The following OTULIN variants were observed in gnomAD, a reference collection of about 807,000 sequenced individuals.
OTULIN encodes ubiquitin thioesterase otulin.
In OTULIN, 15 loss-of-function variants were observed where a neutral mutation model predicts 39.6. That is an observed-to-expected ratio of 0.38 (90% CI 0.25 to 0.58). The LOEUF is 0.58. Among genes scored for constraint, OTULIN ranks in the 20% least tolerant of loss-of-function variants. The probability of loss-of-function intolerance (pLI) is 0.66; values close to 1 mark genes in which losing one functional copy is unlikely to be tolerated. For synonymous variants in OTULIN, 156 were observed against 170.3 expected (o/e 0.92, Z 0.65); for missense variants, 319 against 445.9 (o/e 0.72, Z 2.56).
rs181590247 is a variant in OTULIN at position 14,689,723 on chromosome 5, G to A, written c.595-316G>A. 1.3e-4 allele frequency among the ~76,000 whole-genome samples: 20 copies of A among 152,274 alleles called. No homozygotes were observed. The East Asian group carries it at 3.3e-3, about 25-fold the overall frequency. ...TCACACACAGGCTTCACACACATGT[G>A]TTAGCTCTTCCATAAGTGTCTCTGA... On this transcript the variant is annotated intron_variant, in intron 5 of 6. Transcript: ENST00000284274.
At chr5:14,670,420 G>A (rs889945260) in intron 1 of OTULIN, among the ~76,000 whole-genome samples, 6 of 152,114 alleles carry the variant, frequency 3.9e-5, no homozygotes, top group African/African-American at 1.4e-4. Context: ...ATTGAGTGAA[G>A]TATTTTTAAA....
At chr5:14,709,808 A>G in the OTULIN span, 1 of 152,696 alleles carries the variant, frequency 6.5e-6, no homozygotes, top group Admixed American at 6.5e-5. Flanking sequence ...CACACAAGCA[A>G]TCACCGTATT....
chr5:14,713,566 G>C, the OTULIN span: 4 of 1,614,136 alleles, frequency 2.5e-6, no homozygotes, highest in African/African-American at 1.3e-5. This position sits in a 1 kb window ranked among gnomAD's most constrained non-coding sequence, Gnocchi z 4.4. Flanking sequence ...AGGACCACGA[G>C]GCTGGCGATG....
intron 1 of OTULIN, among the ~76,000 whole-genome samples, chr5:14,672,323 G>A (rs997512541): frequency 6.6e-6 from 1 of 152,110 alleles, no homozygotes; most frequent in African/African-American, 2.4e-5. Flanking sequence ...CCATTGAAAG[G>A]TTTTAGTGGG....
At chr5:14,701,536 A>T (rs1191896136), downstream of OTULIN, among the ~76,000 whole-genome samples, 2 of 152,178 alleles carry the variant, frequency 1.3e-5, no homozygotes, top group African/African-American at 4.8e-5. Flanking sequence ...AGCTTTGAGT[A>T]TTACAACCCC....
At chr5:14,704,965 T>G in the OTULIN span, 3 of 152,224 alleles carry the variant, frequency 2.0e-5, no homozygotes, top group Admixed American at 6.5e-5. Context: ...AGCACTTCCT[T>G]AAAAGCGACA....
intron 2 of OTULIN, 28 bp from the exon 3 acceptor site, chr5:14,678,653 C>CT (rs562824991): frequency 0.034 from 36,965 of 1,076,304 alleles, no homozygotes; most frequent in Non-Finnish European, 0.038. Flanking sequence ...TTATTATTTG[C>CT]TTTTTTTTTT....
At position 14,699,473 on chromosome 5, in the gene OTULIN, C is replaced by T. The variant is rs31994; in HGVS notation, c.*6425C>T. On this transcript the variant is annotated 3_prime_UTR_variant, in exon 7 of 7. Transcript: ENST00000284274. ...GACCTCCCCACTGTGAACAACAAACCACTTTCCTCCTCCAGTGGCCCATTC... is the reference window on the plus strand; with the variant it reads ...GACCTCCCCACTGTGAACAACAAACTACTTTCCTCCTCCAGTGGCCCATTC... 0.043 allele frequency: 6,504 copies of T among 152,314 alleles called. 191 individuals carry two copies. The highest frequency in any genetic ancestry group is 0.085 in the Admixed American group (1,294 of 15,298). The allele number at this position is 152,314 out of a possible 1,614,324, so 9.4% of individuals were successfully genotyped here. A position where few individuals can be genotyped will look rare whatever the true frequency, so the allele number is the denominator to read the frequency against.
At chr5:14,714,245 G>A in the OTULIN span, among the ~76,000 whole-genome samples, 3 of 152,204 alleles carry the variant, frequency 2.0e-5, no homozygotes, top group Non-Finnish European at 4.4e-5. Flanking sequence ...CCTCGTTGGT[G>A]TGCTGCCATT....
At position 14,695,949 on chromosome 5, in the gene OTULIN, A is replaced by C. The variant is rs1226084138; in HGVS notation, c.*2901A>C. 1 of 150,746 alleles carries C rather than the reference A, an allele frequency of 6.6e-6. No homozygotes were observed. Among genetic ancestry groups the C allele is most frequent in the Non-Finnish European group, 1.5e-5 (1 of 67,814 alleles). The allele number at this position is 150,746 out of a possible 1,614,324, so 9.3% of individuals were successfully genotyped here. On this transcript the variant is annotated 3_prime_UTR_variant, in exon 7 of 7. Transcript: ENST00000284274. ...CTATTATATATTCAGTTAGTGTCTG[A>C]TAAGATTTTCTTTGCTTAAGGAGAA...
intron 5 of OTULIN, 42 bp downstream of exon 5, chr5:14,687,688 T>A: frequency 6.5e-7 from 1 of 1,536,642 alleles, no homozygotes; most frequent in Non-Finnish European, 8.7e-7. Context: ...GGTGAAGCTC[T>A]CGTTCTTGCT....
the OTULIN span, among the ~76,000 whole-genome samples, chr5:14,714,630 C>T: frequency 6.6e-6 from 1 of 152,190 alleles, no homozygotes; most frequent in East Asian, 1.9e-4. Context: ...TATATTAATA[C>T]TAACGAGGCT....
At position 14,690,359 on chromosome 5, in the gene OTULIN, G is replaced by A; in HGVS notation, c.864+51G>A. 1 of 1,576,130 alleles carries A rather than the reference G, an allele frequency of 6.3e-7. No individual in the cohort carries two copies. Among genetic ancestry groups the A allele is most frequent in the South Asian group, 1.2e-5 (1 of 85,216 alleles). The stretch of plus-strand genomic sequence containing the variant: ...TACCCCAAAATAAAGCAGCTTTACT[G>A]ATCAAACTTGATGTCACAGTTTTTG... On this transcript the variant is annotated intron_variant, in intron 6 of 6. Transcript: ENST00000284274. This position sits in a 1 kb window ranked among gnomAD's most constrained non-coding sequence, Gnocchi z 4.5.
At chr5:14,685,653 T>C (rs250439) in intron 4 of OTULIN, among the ~76,000 whole-genome samples, 107,386 of 152,104 alleles carry the variant, frequency 0.71, 39,512 homozygotes, top group Middle Eastern at 0.85. Context: ...TCAGAAACAA[T>C]TGTTTCTCTC....
In OTULIN at chr5:14,690,162, G is replaced by A. The variant is rs1376472584; in HGVS notation, c.718G>A (p.Ala240Thr). 1 of 1,614,126 alleles carries A rather than the reference G, an allele frequency of 6.2e-7. No homozygotes were observed. Reference sequence around the variant, plus strand: ...TGTAAAATTTCTAATGCTAAACAGAGCCATTGAACTATATAATGATAAAGA... The same window carrying A: ...TGTAAAATTTCTAATGCTAAACAGAACCATTGAACTATATAATGATAAAGA... Reference protein sequence around the residue: ...EAVKFLMLNRAIELYNDKEKG... With the variant: ...EAVKFLMLNRTIELYNDKEKG... Residue 240 changes from alanine to threonine, a missense_variant, in exon 6 of 7, where the codon GCC (alanine) becomes ACC (threonine). Around this residue, in one of 4 missense-constraint regions of OTULIN, gnomAD observed 106 missense variants for 192.8 expected, o/e 0.55. Coordinates refer to ENST00000284274, the MANE Select transcript of OTULIN (RefSeq NM_138348.6). The surrounding 1 kb of genome is among the most constrained non-coding windows in gnomAD (Gnocchi z 4.5).
In OTULIN at chr5:14,690,182, TAAAGAG is replaced by T; in HGVS notation, c.743_748del (p.Glu248_Lys249del). Reference sequence around the variant, plus strand: ...ACAGAGCCATTGAACTATATAATGATAAAGAGAAAGGAAAGGAAGTACCATTTTTCT... The same window carrying T: ...ACAGAGCCATTGAACTATATAATGATAAAGGAAAGGAAGTACCATTTTTCT... On this transcript the variant is annotated inframe_deletion, in exon 6 of 7. Coordinates refer to ENST00000284274, the MANE Select transcript of OTULIN (RefSeq NM_138348.6). The surrounding 1 kb of genome is among the most constrained non-coding windows in gnomAD (Gnocchi z 4.5). 1 of 1,614,136 alleles carries T rather than the reference TAAAGAG, an allele frequency of 6.2e-7. No homozygotes were observed.
In OTULIN at chr5:14,664,833, G is replaced by A. The variant is rs867018113; in HGVS notation, c.8G>A (p.Arg3Gln). MS[R>Q]GTMPQPEAWP... Reference sequence around the variant, plus strand: ...TCGGCCGCGAGCGACCGCATGAGTCGGGGGACTATGCCCCAGCCCGAAGCG... The same window carrying A: ...TCGGCCGCGAGCGACCGCATGAGTCAGGGGACTATGCCCCAGCCCGAAGCG... The change falls in exon 1 of 7, where the codon CGG (arginine) becomes CAG (glutamine). Residue 3 changes from arginine (R) to glutamine (Q), a missense_variant. This residue lies in a region of OTULIN where 132 missense variants were observed against 143.7 expected (regional missense o/e 0.92). Coordinates refer to ENST00000284274, the MANE Select transcript of OTULIN (RefSeq NM_138348.6). 1 of 1,218,654 alleles carries A rather than the reference G, an allele frequency of 8.2e-7. No individual in the cohort carries two copies. Among genetic ancestry groups the A allele is most frequent in the Non-Finnish European group, 1.0e-6 (1 of 977,902 alleles). The allele number at this position is 1,218,654 out of a possible 1,614,324, so 75.5% of individuals were successfully genotyped here. A position where few individuals can be genotyped will look rare whatever the true frequency, so the allele number is the denominator to read the frequency against.
chr5:14,677,401 A>G (rs1198515943), intron 2 of OTULIN, among the ~76,000 whole-genome samples: 1 of 152,214 alleles, frequency 6.6e-6, no homozygotes, highest in Admixed American at 6.5e-5. Context: ...CAACTTGCTC[A>G]GGAGTAAATA....
intron 2 of OTULIN, among the ~76,000 whole-genome samples, chr5:14,674,402 C>T (rs1054686252): frequency 1.3e-5 from 2 of 152,248 alleles, no homozygotes; most frequent in African/African-American, 2.4e-5. Context: ...GTGGCATTTT[C>T]TCTTTCATTA....
Sources: allele counts gnomAD v4.1 joint callset (sites outside exome capture counted in the v4.1 genomes callset), GRCh38; gene constraint gnomAD v4.1.1; regional missense constraint gnomAD v4.1.1; non-coding constraint Gnocchi (gnomAD v3.1); transcripts MANE v1.5; gene names NCBI Gene and HGNC (gene_info 2026-07-23, HGNC 2026-07-21).